PPP1R14C: variants seen among roughly 807,000 people sequenced by gnomAD.
PPP1R14C encodes protein phosphatase 1 regulatory inhibitor subunit 14C, also known as protein phosphatase 1 regulatory subunit 14C.
PPP1R14C carries 16 observed loss-of-function variants against 20.4 expected under a neutral mutation model. That is an observed-to-expected ratio of 0.78 (90% confidence interval 0.53 to 1.19). The LOEUF (loss-of-function observed/expected upper bound fraction) is 1.19. PPP1R14C is among the 50% of genes most tolerant of loss of function. PPP1R14C has a pLI of 0.00. For missense variants in PPP1R14C, 211 were observed against 220.1 expected (o/e 0.96, Z 0.26); for synonymous variants, 91 against 91.0 (o/e 1.00, Z 0.00).
At chr6:150,194,353 G>T in intron 1 of PPP1R14C, 1 of 596,850 alleles carries the variant, frequency 1.7e-6, no homozygotes, top group Non-Finnish European at 2.1e-6. Context: ...ATAAGGATTT[G>T]GACACAGCTT....
chr6:150,167,973 T>TCCTCCCCTTCCTCC (rs1777446032), intron 1 of PPP1R14C, among the ~76,000 whole-genome samples: 24 of 28,194 alleles, frequency 8.5e-4, no homozygotes, highest in East Asian at 1.2e-3. Context: ...CCTCTTTCTC[T>TCCTCCCCTTCCTCC]CCTTCTCTCC....
chr6:150,188,427 A>T (rs967422746), intron 1 of PPP1R14C, among the ~76,000 whole-genome samples: 3 of 148,352 alleles, frequency 2.0e-5, no homozygotes, highest in Admixed American at 2.0e-4. Flanking sequence ...TGCCTTCCTG[A>T]TGGGCGGGTC....
chr6:150,239,411 A>AAGTAAC (rs1160827554), intron 3 of PPP1R14C, among the ~76,000 whole-genome samples: 1 of 152,268 alleles, frequency 6.6e-6, no homozygotes, highest in East Asian at 1.9e-4. Flanking sequence ...CATTAGAAAT[A>AAGTAAC]AGTAACAGAA....
intron 1 of PPP1R14C, among the ~76,000 whole-genome samples, chr6:150,175,664 G>A (rs1436689196): frequency 1.3e-5 from 2 of 152,166 alleles, no homozygotes; most frequent in African/African-American, 4.8e-5. Context: ...GTAATTACCA[G>A]AACTGTTGCT....
chr6:150,228,593 C>T (rs1778256488), intron 3 of PPP1R14C, among the ~76,000 whole-genome samples: 1 of 152,148 alleles, frequency 6.6e-6, no homozygotes, highest in Non-Finnish European at 1.5e-5. Context: ...TAGTTGACTA[C>T]CCATGTGGCT....
intron 1 of PPP1R14C, chr6:150,195,932 G>C: frequency 2.0e-6 from 2 of 985,346 alleles, no homozygotes; most frequent in Non-Finnish European, 2.4e-6. Context: ...AATGCCCCTT[G>C]CCCATCTTCT....
chr6:150,248,670 C>A, intron 3 of PPP1R14C, 76 bp from the exon 4 acceptor site: 1 of 962,784 alleles, frequency 1.0e-6, no homozygotes, highest in Non-Finnish European at 1.7e-6. Context: ...CAGTTGACAT[C>A]AATTACTTTA....
intron 1 of PPP1R14C, among the ~76,000 whole-genome samples, chr6:150,187,148 G>A (rs1207176124): frequency 6.6e-6 from 1 of 151,692 alleles, no homozygotes; most frequent in African/African-American, 2.4e-5. Flanking sequence ...GCAAATTTTT[G>A]TATTTTTAGT....
chr6:150,223,215 C>G (rs1316536876), intron 3 of PPP1R14C, among the ~76,000 whole-genome samples: 2 of 152,130 alleles, frequency 1.3e-5, no homozygotes, highest in Non-Finnish European at 2.9e-5. Context: ...ATTCTATTAT[C>G]TGGATGTACC....
intron 1 of PPP1R14C, among the ~76,000 whole-genome samples, chr6:150,193,830 G>A (rs1777773221): frequency 6.6e-6 from 1 of 152,036 alleles, no homozygotes; most frequent in South Asian, 2.1e-4. Context: ...CCTTATCCTG[G>A]CTTCCATCCA....
intron 3 of PPP1R14C, among the ~76,000 whole-genome samples, chr6:150,247,483 T>C (rs1361125555): frequency 6.6e-6 from 1 of 152,192 alleles, no homozygotes. Flanking sequence ...TTTCAGTCTT[T>C]AGGTTCTGAT....
chr6:150,238,243 T>C (rs549726512), intron 3 of PPP1R14C, among the ~76,000 whole-genome samples: 62 of 152,358 alleles, frequency 4.1e-4, no homozygotes, highest in South Asian at 1.0e-3. Flanking sequence ...TGTTTGTTTG[T>C]CTTTTAAAAA....
rs570430821 is a variant in PPP1R14C at position 150,197,143 on chromosome 6, G to C, written c.307-17601G>C. Among the ~76,000 whole-genome samples the C allele has an allele frequency of 2.0e-5, 3 of 152,332 alleles. No homozygotes were observed. In the East Asian group the frequency reaches 5.8e-4, roughly 29 times the overall value. ...AGTCTCTGTTGAAGGACTGGAGAAG[G>C]TTACAAGGATTGTCTCTGCCCCTGC... On this transcript the variant is annotated intron_variant, in intron 1 of 3. Coordinates refer to ENST00000361131, the MANE Select transcript of PPP1R14C (RefSeq NM_030949.3).
At chr6:150,217,769 C>T (rs1177894290) in intron 3 of PPP1R14C, among the ~76,000 whole-genome samples, 1 of 152,088 alleles carries the variant, frequency 6.6e-6, no homozygotes, top group Non-Finnish European at 1.5e-5. Flanking sequence ...ATTATAAGAT[C>T]CGTCAGATGT....
chr6:150,147,399 C>A (rs1045711483), intron 1 of PPP1R14C, among the ~76,000 whole-genome samples: 1 of 151,924 alleles, frequency 6.6e-6, no homozygotes, highest in Non-Finnish European at 1.5e-5. Context: ...AGGCTGGTCT[C>A]GAACTCCTGA....
chr6:150,174,017 C>T (rs1402183344), intron 1 of PPP1R14C, among the ~76,000 whole-genome samples: 1 of 142,466 alleles, frequency 7.0e-6, no homozygotes, highest in Non-Finnish European at 1.5e-5. Flanking sequence ...CCTCTCCCTC[C>T]CCCCCACCCC....
chr6:150,207,955 T>C (rs1056016672), intron 1 of PPP1R14C, among the ~76,000 whole-genome samples: 6 of 151,948 alleles, frequency 3.9e-5, no homozygotes, highest in African/African-American at 1.4e-4. Context: ...TCCCGTGTAA[T>C]AGCATGGCAG....
At chr6:150,190,143 T>C (rs759550281) in intron 1 of PPP1R14C, among the ~76,000 whole-genome samples, 3 of 152,200 alleles carry the variant, frequency 2.0e-5, no homozygotes, top group Non-Finnish European at 4.4e-5. Flanking sequence ...AGGTTCTGTC[T>C]CATGGCTTAA....
intron 1 of PPP1R14C, among the ~76,000 whole-genome samples, chr6:150,147,071 A>T (rs1057461193): frequency 6.6e-6 from 1 of 150,962 alleles, no homozygotes; most frequent in Non-Finnish European, 1.5e-5. Context: ...TTATAATGTA[A>T]CCATTAGACT....
Sources: gnomAD v4.1 joint callset for allele counts (sites outside exome capture counted in the v4.1 genomes callset) on GRCh38, gnomAD v4.1.1 for gene constraint, MANE v1.5 for transcripts, NCBI Gene and HGNC (gene_info 2026-07-23, HGNC 2026-07-21) for gene names.